RPAP3: variants seen among roughly 807,000 people sequenced by gnomAD.
RPAP3 encodes the protein RNA polymerase II-associated protein 3.
In RPAP3, 58 loss-of-function variants were observed where a neutral mutation model predicts 88.8. The ratio of observed to expected loss-of-function variants is 0.65; its 90% CI spans 0.53 to 0.81. The LOEUF is 0.81. Ranked by LOEUF, RPAP3 falls within the 40% of genes least tolerant of loss-of-function variation. The pLI is 0.00. For synonymous variants in RPAP3, 255 were observed against 259.9 expected (o/e 0.98, Z 0.18); for missense variants, 751 against 764.3 (o/e 0.98, Z 0.20).
intron 1 of RPAP3, among the ~76,000 whole-genome samples, chr12:47,705,697 A>G (rs1250039938): frequency 1.3e-5 from 2 of 151,926 alleles, no homozygotes; most frequent in African/African-American, 4.8e-5. Flanking sequence ...GCACTGCAAA[A>G]TCGCAGCAGG....
chr12:47,696,694 TATAA>T (rs1939534128), intron 4 of RPAP3, among the ~76,000 whole-genome samples: 1 of 152,178 alleles, frequency 6.6e-6, no homozygotes, highest in Non-Finnish European at 1.5e-5. Context: ...AATATATTTA[TATAA>T]ATAAATACAC....
At chr12:47,690,240 T>C (rs533695262) in intron 6 of RPAP3, among the ~76,000 whole-genome samples, 97 of 152,292 alleles carry the variant, frequency 6.4e-4, no homozygotes, top group African/African-American at 2.2e-3. Flanking sequence ...ACAAGACATA[T>C]TAATGCCTAT....
intron 9 of RPAP3, 96 bp from the exon 10 acceptor site, chr12:47,681,913 T>C: frequency 2.6e-6 from 3 of 1,146,756 alleles, no homozygotes; most frequent in African/African-American, 3.2e-5. Flanking sequence ...TTGTATATAA[T>C]TTCAATCACT....
chr12:47,667,215 T>C (rs553827126), intron 15 of RPAP3, 135 bp from the exon 16 acceptor site: 5 of 374,868 alleles, frequency 1.3e-5, no homozygotes, highest in Non-Finnish European at 2.4e-5. Context: ...GTATTTTAAA[T>C]GCCCAAATGA....
chr12:47,667,850 T>A lies in RPAP3; in HGVS notation c.1715A>T (p.Gln572Leu). 1 of 1,582,370 alleles carries A rather than the reference T, an allele frequency of 6.3e-7. No homozygotes were observed. Among genetic ancestry groups the A allele is most frequent in the South Asian group, 1.1e-5 (1 of 87,602 alleles). The stretch of plus-strand genomic sequence containing the variant: ...CTTAGGATACAAAGATGGTTCAATT[T>A]GCTTGAAAAAAAAATAAAAAGACAA... ...SPDMLYQYLK[Q>L]IEPSLYPKLF... The change falls in exon 15 of 17, where the codon CAA becomes CTA. Residue 572 changes from glutamine to leucine, a missense_variant and splice_region_variant. Physicochemically the swap from Gln to Leu is moderately radical, Grantham distance 113. Transcript: ENST00000005386.
In RPAP3 at chr12:47,661,364, T is replaced by C. The variant is rs2136597412; in HGVS notation, c.*2141A>G. On this transcript the variant is annotated 3_prime_UTR_variant, in exon 17 of 17. Coordinates refer to ENST00000005386, the MANE Select transcript of RPAP3 (RefSeq NM_024604.3). ...AATCACTTTTAGGAAATGTTGGTAA[T>C]TGTAATAATAATAGTAACAGTAGCT... is the stretch of plus-strand genomic sequence containing the variant. 1 of 77,264 alleles carries C rather than the reference T, an allele frequency of 1.3e-5. No individual in the cohort carries two copies. Among genetic ancestry groups the C allele is most frequent in the East Asian group, 4.8e-4 (1 of 2,088 alleles). The allele number at this position is 77,264 out of a possible 1,614,324, so 4.8% of individuals were successfully genotyped here. A position where few individuals can be genotyped will look rare whatever the true frequency, so the allele number is the denominator to read the frequency against.
chr12:47,681,380 G>T (rs1455675549), intron 10 of RPAP3, among the ~76,000 whole-genome samples: 2 of 152,066 alleles, frequency 1.3e-5, no homozygotes, highest in African/African-American at 4.8e-5. Context: ...CAACAACACC[G>T]ATTCCCTTCC....
intron 5 of RPAP3, chr12:47,695,792 A>G (rs1766921160): frequency 6.6e-6 from 1 of 152,206 alleles, no homozygotes; most frequent in African/African-American, 2.4e-5. Flanking sequence ...AACCCCTATG[A>G]TAGGTTGGTT....
chr12:47,662,648 G>A lies in RPAP3; in HGVS notation c.*857C>T, dbSNP rs1478395642. The stretch of plus-strand genomic sequence containing the variant: ...GCTACTTTAAACATTTACTTAATAT[G>A]ATTCTTGCGTCAAATTCAATTAAAT... On this transcript the variant is annotated 3_prime_UTR_variant, in exon 17 of 17. Coordinates refer to ENST00000005386, the MANE Select transcript of RPAP3 (RefSeq NM_024604.3). 1 of 152,154 alleles carries A rather than the reference G, an allele frequency of 6.6e-6. No individual in the cohort carries two copies. Among genetic ancestry groups the A allele is most frequent in the Admixed American group, 6.5e-5 (1 of 15,272 alleles). The allele number at this position is 152,154 out of a possible 1,614,324, so 9.4% of individuals were successfully genotyped here. A position where few individuals can be genotyped will look rare whatever the true frequency, so the allele number is the denominator to read the frequency against.
intron 5 of RPAP3, among the ~76,000 whole-genome samples, chr12:47,692,275 T>C (rs1565721206): frequency 6.6e-6 from 1 of 152,248 alleles, no homozygotes. Flanking sequence ...GTGAACGCCC[T>C]AGATGGCACT....
chr12:47,670,076 A>G (rs1287376827), intron 13 of RPAP3, 31 bp downstream of exon 13: 1 of 1,343,676 alleles, frequency 7.4e-7, no homozygotes. Context: ...CCCATTCTGG[A>G]TGATCAGCAA....
At chr12:47,667,629 C>A in intron 15 of RPAP3, 125 bp downstream of exon 15, 1 of 548,706 alleles carries the variant, frequency 1.8e-6, no homozygotes. Context: ...TACCATAGGC[C>A]AATTGACATA....
At chr12:47,681,847 A>C in intron 9 of RPAP3, 30 bp from the exon 10 acceptor site, 1 of 1,529,216 alleles carries the variant, frequency 6.5e-7, no homozygotes, top group African/African-American at 1.4e-5. Context: ...TACTGACTGG[A>C]AAAAAGGCAG....
chr12:47,679,070 T>TA (rs920076155), intron 12 of RPAP3, among the ~76,000 whole-genome samples: 1 of 152,100 alleles, frequency 6.6e-6, no homozygotes, highest in African/African-American at 2.4e-5. Context: ...TATGCAGCCA[T>TA]AAAAAACGAT....
intron 5 of RPAP3, among the ~76,000 whole-genome samples, chr12:47,691,528 G>A (rs1050733256): frequency 3.9e-5 from 6 of 152,130 alleles, no homozygotes; most frequent in Admixed American, 6.5e-5. Flanking sequence ...ACTTTGTCCA[G>A]ATCCACTAGA....
Position 47,679,476 on chromosome 12 carries a change from G to T in RPAP3, c.1287+17C>A, listed in dbSNP as rs756775218. 6.0e-6 allele frequency: 9 copies of T among 1,500,078 alleles called. No homozygotes were observed. The East Asian group carries it at 1.1e-4, about 19-fold the overall frequency. 92.9% of individuals were successfully genotyped at this position (1,500,078 alleles called of 1,614,324 possible). A position where few individuals can be genotyped will look rare whatever the true frequency, so the allele number is the denominator to read the frequency against. On this transcript the variant is annotated intron_variant, in intron 12 of 16. Coordinates refer to ENST00000005386, the MANE Select transcript of RPAP3 (RefSeq NM_024604.3). ...CATATTTAAATGGCAAGGAAAAAAT[G>T]AAAGTGCTTTACTTACAGTTGATCC...
At chr12:47,702,372 C>A (rs1939671161) in intron 2 of RPAP3, among the ~76,000 whole-genome samples, 1 of 151,712 alleles carries the variant, frequency 6.6e-6, no homozygotes, top group African/African-American at 2.4e-5. Flanking sequence ...ATGATGAGAC[C>A]CCGTCTCTAC....
intron 9 of RPAP3, among the ~76,000 whole-genome samples, chr12:47,683,529 G>A (rs1003238607): frequency 1.3e-5 from 2 of 152,130 alleles, no homozygotes; most frequent in African/African-American, 4.8e-5. Flanking sequence ...CTACTGTACA[G>A]CTGAAGAAAA....
intron 12 of RPAP3, among the ~76,000 whole-genome samples, chr12:47,672,829 T>C (rs796887892): frequency 1.2e-4 from 19 of 152,300 alleles, no homozygotes; most frequent in African/African-American, 4.3e-4. Flanking sequence ...TTAACATAAA[T>C]TCATTTTTAA....
Sources: allele counts gnomAD v4.1 joint callset (sites outside exome capture counted in the v4.1 genomes callset), GRCh38; gene constraint gnomAD v4.1.1; transcripts MANE v1.5; gene names NCBI Gene and HGNC (gene_info 2026-07-23, HGNC 2026-07-21).